Variants in NKAIN2 observed in about 807,000 individuals in gnomAD.
NKAIN2 encodes sodium/potassium transporting ATPase interacting 2, also known as sodium/potassium-transporting ATPase subunit beta-1-interacting protein 2.
Under a neutral mutation model 32.6 loss-of-function variants are expected in NKAIN2, and 14 were observed. The observed-to-expected ratio is 0.43, with a 90% CI of 0.28 to 0.67. The LOEUF is 0.67. Ranked by LOEUF, NKAIN2 falls within the 30% of genes least tolerant of loss-of-function variation. The pLI, the probability that NKAIN2 is intolerant of heterozygous loss-of-function variation, is 0.17. For synonymous variants in NKAIN2, 80 were observed against 87.2 expected, an observed-to-expected ratio of 0.92 and a Z score of 0.46; for missense variants, 198 against 258.3, an observed-to-expected ratio of 0.77 and a Z score of 1.60.
rs146347163 is a variant in NKAIN2 at position 124,817,868 on chromosome 6, C to T, written c.536-519C>T. On this transcript the variant is annotated intron_variant, in intron 5 of 6. Transcript: ENST00000368417. ...GTTTAAGATGGTAAACCACATTTGG[C>T]AGGGACAGCAATGTTGAGTTAATTT... is the stretch of plus-strand genomic sequence containing the variant. Among the ~76,000 whole-genome samples, 256 of 152,288 alleles carry T rather than the reference C, an allele frequency of 1.7e-3. 2 individuals carry two copies. Among genetic ancestry groups the T allele is most frequent in the African/African-American group, 5.8e-3 (242 of 41,568 alleles).
At chr6:123,884,494 G>A (rs1323824521) in intron 1 of NKAIN2, among the ~76,000 whole-genome samples, 2 of 152,136 alleles carry the variant, frequency 1.3e-5, no homozygotes, top group African/African-American at 2.4e-5. Context: ...GTGGGTGGGT[G>A]TGTGTGTTTC....
At chr6:124,670,944 T>C (rs926231039) in intron 4 of NKAIN2, among the ~76,000 whole-genome samples, 27 of 152,096 alleles carry the variant, frequency 1.8e-4, no homozygotes, top group African/African-American at 6.0e-4. Context: ...GGGGTCTTAG[T>C]CTTTCATCAT....
intron 4 of NKAIN2, among the ~76,000 whole-genome samples, chr6:124,702,326 CTTTT>C (rs1026659931): frequency 8.6e-5 from 13 of 151,898 alleles, no homozygotes; most frequent in Non-Finnish European, 1.5e-4. Context: ...AAATCCAAAA[CTTTT>C]TTGAGTGTGA....
intron 3 of NKAIN2, among the ~76,000 whole-genome samples, chr6:124,499,018 G>A (rs760291432): frequency 2.0e-5 from 3 of 151,986 alleles, no homozygotes; most frequent in Non-Finnish European, 4.4e-5. Flanking sequence ...TCTGCCGGCC[G>A]TGGCCTCCCA....
intron 3 of NKAIN2, among the ~76,000 whole-genome samples, chr6:124,624,714 T>C (rs1466576154): frequency 6.6e-6 from 1 of 152,212 alleles, no homozygotes; most frequent in African/African-American, 2.4e-5. Context: ...AACATGTTGT[T>C]CTCAAGAAGT....
Position 123,840,661 on chromosome 6 carries a change from C to A in NKAIN2, c.54+36407C>A, listed in dbSNP as rs116104117. ...GGTACTTGTCCTGTCTTGAAATACA[C>A]AAGAATTTATAGTGCTTAGAAAAAT... is the stretch of plus-strand genomic sequence containing the variant. On this transcript the variant is annotated intron_variant, in intron 1 of 6. Transcript: ENST00000368417. Among the ~76,000 whole-genome samples, 734 of 152,086 alleles carry A rather than the reference C, an allele frequency of 4.8e-3. 6 individuals carry two copies. Among genetic ancestry groups the A allele is most frequent in the African/African-American group, 0.017 (709 of 41,548 alleles).
chr6:124,157,890 G>A (rs537198573), intron 1 of NKAIN2, among the ~76,000 whole-genome samples: 45 of 152,196 alleles, frequency 3.0e-4, no homozygotes, highest in Non-Finnish European at 6.0e-4. Context: ...TTTTTAAAGT[G>A]AGACTAAGCA....
intron 1 of NKAIN2, among the ~76,000 whole-genome samples, chr6:124,023,127 A>C (rs960036276): frequency 6.6e-6 from 1 of 151,348 alleles, no homozygotes; most frequent in Admixed American, 6.7e-5. Flanking sequence ...TTATCAGTAA[A>C]GCTTACAAGC....
At chr6:124,816,201 A>G (rs1169974257) in intron 5 of NKAIN2, among the ~76,000 whole-genome samples, 4 of 152,186 alleles carry the variant, frequency 2.6e-5, no homozygotes, top group Non-Finnish European at 5.9e-5. Flanking sequence ...TACATGCTAT[A>G]TGAGTCCAGT....
At chr6:124,541,837 A>G (rs1035306708) in intron 3 of NKAIN2, among the ~76,000 whole-genome samples, 17 of 152,282 alleles carry the variant, frequency 1.1e-4, no homozygotes, top group African/African-American at 2.9e-4. Flanking sequence ...TAGGACCAGT[A>G]TGTGATCAGT....
At position 124,240,752 on chromosome 6, in the gene NKAIN2, A is replaced by G. The variant is rs555453529; in HGVS notation, c.55-42253A>G. 3.3e-5 allele frequency among the ~76,000 whole-genome samples: 5 copies of G among 152,282 alleles called. No individual in the cohort carries two copies. The East Asian group carries it at 9.6e-4, about 29-fold the overall frequency. Reference sequence around the variant, plus strand: ...GTATTGATGGAATGTATCTCAAAATAATGAGCTATTTATGACAATCCCACA... The same window carrying G: ...GTATTGATGGAATGTATCTCAAAATGATGAGCTATTTATGACAATCCCACA... On this transcript the variant is annotated intron_variant, in intron 1 of 6. Transcript: ENST00000368417.
intron 1 of NKAIN2, among the ~76,000 whole-genome samples, chr6:124,205,237 G>A (rs550003098): frequency 5.9e-5 from 9 of 151,730 alleles, no homozygotes; most frequent in Non-Finnish European, 7.4e-5. Context: ...GAGGAAGGGC[G>A]CAGCATCTCT....
intron 1 of NKAIN2, among the ~76,000 whole-genome samples, chr6:123,920,451 T>G (rs934996517): frequency 2.0e-5 from 3 of 152,192 alleles, no homozygotes; most frequent in African/African-American, 7.2e-5. Flanking sequence ...CTATTTCATT[T>G]TCAGAAGCAC....
At chr6:124,507,255 T>C (rs776696611) in intron 3 of NKAIN2, among the ~76,000 whole-genome samples, 1 of 152,164 alleles carries the variant, frequency 6.6e-6, no homozygotes, top group Non-Finnish European at 1.5e-5. Context: ...GAAATTTGCA[T>C]TTGTAGTCTA....
intron 2 of NKAIN2, among the ~76,000 whole-genome samples, chr6:124,332,929 A>G (rs989096330): frequency 6.6e-6 from 1 of 152,248 alleles, no homozygotes; most frequent in Non-Finnish European, 1.5e-5. Context: ...TAGATTTCAG[A>G]TTATACAGGT....
At chr6:124,126,584 AG>A (rs1786176441) in intron 1 of NKAIN2, among the ~76,000 whole-genome samples, 1 of 92,920 alleles carries the variant, frequency 1.1e-5, no homozygotes, top group Non-Finnish European at 2.4e-5. Context: ...TCCCTACTGG[AG>A]GACACTGATT....
intron 1 of NKAIN2, among the ~76,000 whole-genome samples, chr6:123,955,831 T>C (rs747548284): frequency 4.4e-4 from 67 of 152,092 alleles, no homozygotes; most frequent in Non-Finnish European, 8.4e-4. Flanking sequence ...TCTTCCTATG[T>C]TTTCCAGACT....
At chr6:124,162,850 T>C (rs775165184) in intron 1 of NKAIN2, among the ~76,000 whole-genome samples, 7 of 152,130 alleles carry the variant, frequency 4.6e-5, no homozygotes, top group Non-Finnish European at 1.0e-4. Flanking sequence ...TGTTCATCCT[T>C]TCCCATACAT....
At chr6:124,186,098 A>T (rs968193608) in intron 1 of NKAIN2, among the ~76,000 whole-genome samples, 12 of 142,052 alleles carry the variant, frequency 8.4e-5, no homozygotes, top group Admixed American at 7.0e-4. Context: ...CCTAGGCAAC[A>T]TAGTAAGACC....
Sources: gnomAD v4.1 joint callset for allele counts (sites outside exome capture counted in the v4.1 genomes callset) on GRCh38, gnomAD v4.1.1 for gene constraint, MANE v1.5 for transcripts, NCBI Gene and HGNC (gene_info 2026-07-23, HGNC 2026-07-21) for gene names.